ADARB2: variants seen among roughly 807,000 people sequenced by gnomAD.
The protein encoded by ADARB2 is adenosine deaminase RNA specific B2 (inactive), also known as inactive double-stranded RNA-specific editase B2.
ADARB2 carries 25 observed loss-of-function variants against 62.2 expected under a neutral mutation model. The ratio of observed to expected loss-of-function variants is 0.40; its 90% CI spans 0.29 to 0.56. The LOEUF is 0.56. Among genes scored for constraint, ADARB2 ranks in the 20% least tolerant of loss-of-function variants. ADARB2 has a pLI of 0.43. For synonymous variants in ADARB2, 572 were observed against 500.8 expected, an observed-to-expected ratio of 1.14 and a Z score of -1.90; for missense variants, 1,071 against 1,077.4, an observed-to-expected ratio of 0.99 and a Z score of 0.08.
At chr10:1,568,686 G>C (rs1251711356) in intron 1 of ADARB2, among the ~76,000 whole-genome samples, 1 of 152,146 alleles carries the variant, frequency 6.6e-6, no homozygotes, top group African/African-American at 2.4e-5. Context: ...AAGGAGTTTG[G>C]AGACCAGGCC....
chr10:1,709,197 G>A (rs370730646), intron 1 of ADARB2, among the ~76,000 whole-genome samples: 239 of 152,282 alleles, frequency 1.6e-3, no homozygotes, highest in African/African-American at 4.8e-3. Flanking sequence ...TACAGTGTTT[G>A]TGCTAAGTCT....
chr10:1,696,911 G>A (rs1834753534), intron 1 of ADARB2, among the ~76,000 whole-genome samples: 1 of 152,118 alleles, frequency 6.6e-6, no homozygotes, highest in Non-Finnish European at 1.5e-5. Context: ...GCCCATGATG[G>A]CTTTGAATGC....
At chr10:1,205,352 CCG>C (rs1837039712) in intron 7 of ADARB2, among the ~76,000 whole-genome samples, 2 of 104,066 alleles carry the variant, frequency 1.9e-5, no homozygotes, top group South Asian at 2.9e-4. Context: ...TCACTGGAGC[CCG>C]TGGCACAGCC....
At position 1,395,385 on chromosome 10, in the gene ADARB2, C is replaced by G. The variant is rs79475752; in HGVS notation, c.101-16225G>C. 7.4e-3 allele frequency among the ~76,000 whole-genome samples: 1,132 copies of G among 152,300 alleles called. 19 individuals carry two copies. The highest frequency in any genetic ancestry group is 0.025 in the African/African-American group (1,051 of 41,562). Reference sequence around the variant, plus strand: ...CTCTCCGACGGTCCTGGGAGGAGCTCGCTGAAGGCCTCAGCTTCACAGAGG... The same window carrying G: ...CTCTCCGACGGTCCTGGGAGGAGCTGGCTGAAGGCCTCAGCTTCACAGAGG... On this transcript the variant is annotated intron_variant, in intron 1 of 9. Transcript: ENST00000381312.
rs1271479309 is a variant in ADARB2, at chr10:1,351,641, T to C, written c.1077+11387A>G. On this transcript the variant is annotated intron_variant, in intron 3 of 9. Transcript: ENST00000381312. ...TTAACCCACAAGTATAAGATACCTC[T>C]ACTCCCTCCTTAGTGACCGATCATG... Among the ~76,000 whole-genome samples the C allele has an allele frequency of 5.3e-5, 8 of 152,184 alleles. No individual in the cohort carries two copies. The East Asian group carries it at 1.5e-3, about 29-fold the overall frequency.
At chr10:1,264,778 CA>C (rs1485060834) in intron 4 of ADARB2, among the ~76,000 whole-genome samples, 1 of 152,170 alleles carries the variant, frequency 6.6e-6, no homozygotes, top group Non-Finnish European at 1.5e-5. Flanking sequence ...GCTGTTTTTA[CA>C]AAGTTGAACT....
chr10:1,242,128 C>T lies in ADARB2; in HGVS notation c.1361+3G>A. 2 of 1,598,312 alleles carry T rather than the reference C, an allele frequency of 1.3e-6. No homozygotes were observed. The highest frequency in any genetic ancestry group is 1.1e-5 in the South Asian group (1 of 90,484). ...TCCCTGGAGCCCGTCCCCAGCCGCT[C>T]ACCTCAGGTGCAGCTCCAGCTGCGT... On this transcript the variant is annotated splice_donor_region_variant and intron_variant, in intron 5 of 9. Coordinates refer to ENST00000381312, the MANE Select transcript of ADARB2 (RefSeq NM_018702.4).
chr10:1,722,159 G>T (rs963426221), intron 1 of ADARB2, among the ~76,000 whole-genome samples: 1 of 152,120 alleles, frequency 6.6e-6, no homozygotes. Flanking sequence ...CACTGTGGGG[G>T]TGCTACAACG....
At chr10:1,252,055 C>T (rs1192811132) in intron 4 of ADARB2, among the ~76,000 whole-genome samples, 4 of 152,208 alleles carry the variant, frequency 2.6e-5, no homozygotes, top group Non-Finnish European at 5.9e-5. Flanking sequence ...CACAGGGCTT[C>T]TCCCCAGCAC....
chr10:1,715,963 C>A (rs929473901), intron 1 of ADARB2, among the ~76,000 whole-genome samples: 1 of 152,228 alleles, frequency 6.6e-6, no homozygotes, highest in Non-Finnish European at 1.5e-5. Context: ...ACTTGGTGCA[C>A]CCTGTTCATT....
At chr10:1,371,962 A>G (rs552016330) in intron 2 of ADARB2, among the ~76,000 whole-genome samples, 13 of 152,302 alleles carry the variant, frequency 8.5e-5, no homozygotes, top group African/African-American at 2.9e-4. Flanking sequence ...ACTGCTGGGC[A>G]TCTACCCAAA....
chr10:1,425,800 T>C (rs1024262020), intron 1 of ADARB2, among the ~76,000 whole-genome samples: 6 of 152,246 alleles, frequency 3.9e-5, no homozygotes, highest in Admixed American at 6.5e-5. Flanking sequence ...GGATCTATTT[T>C]AATTGCCATG....
intron 1 of ADARB2, among the ~76,000 whole-genome samples, chr10:1,539,211 C>T (rs1832377949): frequency 6.6e-6 from 1 of 152,262 alleles, no homozygotes; most frequent in South Asian, 2.1e-4. Context: ...CCTTACTTAA[C>T]ATTTCCTGAA....
intron 1 of ADARB2, among the ~76,000 whole-genome samples, chr10:1,551,542 G>A (rs913312797): frequency 9.9e-5 from 15 of 152,152 alleles, no homozygotes; most frequent in Admixed American, 2.0e-4. Flanking sequence ...CCCTCTGCCC[G>A]CCCTTCCTGC....
chr10:1,614,444 T>C (rs1833605915), intron 1 of ADARB2, among the ~76,000 whole-genome samples: 1 of 152,178 alleles, frequency 6.6e-6, no homozygotes. Context: ...AAGGATCAAT[T>C]TCTGAAAGTT....
chr10:1,380,174 G>A (rs997248534), intron 1 of ADARB2, among the ~76,000 whole-genome samples: 1 of 152,132 alleles, frequency 6.6e-6, no homozygotes, highest in Non-Finnish European at 1.5e-5. Context: ...CAGCCCGCAC[G>A]GTTCACATGT....
At chr10:1,589,083 T>G (rs1833215057) in intron 1 of ADARB2, among the ~76,000 whole-genome samples, 2 of 152,244 alleles carry the variant, frequency 1.3e-5, no homozygotes, top group Admixed American at 6.5e-5. Flanking sequence ...TGTGTTCTCA[T>G]GCACAAGTTA....
intron 1 of ADARB2, among the ~76,000 whole-genome samples, chr10:1,409,338 G>A (rs190969601): frequency 4.6e-5 from 7 of 152,166 alleles, no homozygotes; most frequent in Admixed American, 2.0e-4. Context: ...GCCAAACAGA[G>A]AATTTTTCTC....
At chr10:1,622,383 C>G (rs1588327395) in intron 1 of ADARB2, among the ~76,000 whole-genome samples, 1 of 152,124 alleles carries the variant, frequency 6.6e-6, no homozygotes, top group South Asian at 2.1e-4. Flanking sequence ...CAAAACACAT[C>G]TTTAATGAAA....
Sources: allele counts gnomAD v4.1 joint callset (sites outside exome capture counted in the v4.1 genomes callset), GRCh38; gene constraint gnomAD v4.1.1; transcripts MANE v1.5; gene names NCBI Gene and HGNC (gene_info 2026-07-23, HGNC 2026-07-21).